The following IMMP2L variants were observed in gnomAD, a reference collection of about 807,000 sequenced individuals.
The protein encoded by IMMP2L is inner mitochondrial membrane peptidase subunit 2.
Under a neutral mutation model 19.3 loss-of-function variants are expected in IMMP2L, and 18 were observed. The observed-to-expected ratio is 0.93, with a 90% CI of 0.64 to 1.38. The LOEUF (loss-of-function observed/expected upper bound fraction) is 1.38. Ranked by LOEUF, IMMP2L falls within the 40% of genes most tolerant of loss-of-function variation. The probability of loss-of-function intolerance (pLI) is 0.00; values close to 1 mark genes in which losing one functional copy is unlikely to be tolerated. For missense variants in IMMP2L, 233 were observed against 218.2 expected, an observed-to-expected ratio of 1.07 and a Z score of -0.43; for synonymous variants, 76 against 73.0, an observed-to-expected ratio of 1.04 and a Z score of -0.21.
chr7:110,880,830 C>T (rs987278420), intron 5 of IMMP2L, among the ~76,000 whole-genome samples: 1 of 151,880 alleles, frequency 6.6e-6, no homozygotes, highest in Non-Finnish European at 1.5e-5. Context: ...TTAAACGGCC[C>T]AAAGGAACAG....
At chr7:110,669,206 C>A (rs1404881423) in intron 5 of IMMP2L, among the ~76,000 whole-genome samples, 2 of 151,886 alleles carry the variant, frequency 1.3e-5, no homozygotes, top group Non-Finnish European at 2.9e-5. Context: ...GGAGGTCAGC[C>A]GACTGGAGAC....
intron 3 of IMMP2L, among the ~76,000 whole-genome samples, chr7:111,271,531 T>C (rs982272803): frequency 2.6e-5 from 4 of 152,140 alleles, no homozygotes; most frequent in East Asian, 1.9e-4. Flanking sequence ...TTAACACAGA[T>C]TGTTGGGCCT....
At chr7:110,984,345 G>C (rs1252699981) in intron 3 of IMMP2L, among the ~76,000 whole-genome samples, 1 of 149,136 alleles carries the variant, frequency 6.7e-6, no homozygotes, top group Non-Finnish European at 1.5e-5. Context: ...TGTAAAAGCA[G>C]ACTCCCACAG....
intron 3 of IMMP2L, among the ~76,000 whole-genome samples, chr7:111,249,382 C>T (rs1254817085): frequency 4.9e-5 from 7 of 143,512 alleles, no homozygotes; most frequent in Non-Finnish European, 9.1e-5. Flanking sequence ...CTTCGGCTCG[C>T]GCACGGTGCG....
At position 110,934,949 on chromosome 7, in the gene IMMP2L, C is replaced by G. The variant is rs184573367; in HGVS notation, c.305+28551G>C. Among the ~76,000 whole-genome samples, 6 of 152,218 alleles carry G rather than the reference C, an allele frequency of 3.9e-5. No homozygotes were observed. The East Asian group carries it at 1.2e-3, about 29-fold the overall frequency. ...CACTGATAAGTCTTGACTCTTTATC[C>G]AATTTGCCAGTCTGTGTCTTTTAAC... is the stretch of plus-strand genomic sequence containing the variant. On this transcript the variant is annotated intron_variant, in intron 4 of 5. Transcript: ENST00000405709.
intron 3 of IMMP2L, among the ~76,000 whole-genome samples, chr7:111,204,032 A>G (rs1810442492): frequency 6.6e-6 from 1 of 152,164 alleles, no homozygotes; most frequent in South Asian, 2.1e-4. Flanking sequence ...ATCCCAATGT[A>G]CACTCAGAAA....
chr7:111,442,823 T>C lies in IMMP2L; in HGVS notation c.239+44415A>G, dbSNP rs866162752. Among the ~76,000 whole-genome samples the C allele has an allele frequency of 5.9e-5, 9 of 151,944 alleles. 1 individual carries two copies. The highest frequency in any genetic ancestry group is 1.5e-4 in the African/African-American group (6 of 41,218). ...AGAGTAAGTGGTTTTAAGATTAAAT[T>C]TGCCCATATAGTTAATTGCCACTTC... On this transcript the variant is annotated intron_variant, in intron 3 of 5. Coordinates refer to ENST00000405709, the MANE Select transcript of IMMP2L (RefSeq NM_032549.4).
intron 5 of IMMP2L, among the ~76,000 whole-genome samples, chr7:110,773,978 T>G (rs551946340): frequency 3.2e-4 from 48 of 152,190 alleles, no homozygotes; most frequent in Non-Finnish European, 5.7e-4. Context: ...CATATTTTCT[T>G]TCTGTATCTC....
Position 111,146,517 on chromosome 7 carries a change from TAGG to T in IMMP2L, c.240-182955_240-182953del, listed in dbSNP as rs938390136. Among the ~76,000 whole-genome samples, 17 of 151,884 alleles carry T rather than the reference TAGG, an allele frequency of 1.1e-4. No individual in the cohort carries two copies. The East Asian group carries it at 1.5e-3, about 14-fold the overall frequency. On this transcript the variant is annotated intron_variant, in intron 3 of 5. Coordinates refer to ENST00000405709, the MANE Select transcript of IMMP2L (RefSeq NM_032549.4). ...CTTAGAACCAGACCTCAAAAACTAA[TAGG>T]AGAACAGTCAAACATCTTAGAAGTG...
At chr7:111,181,799 G>T (rs1807738948) in intron 3 of IMMP2L, among the ~76,000 whole-genome samples, 1 of 151,874 alleles carries the variant, frequency 6.6e-6, no homozygotes, top group African/African-American at 2.4e-5. Flanking sequence ...CAATAATAAA[G>T]TATACTAAGG....
intron 3 of IMMP2L, among the ~76,000 whole-genome samples, chr7:111,424,852 G>T (rs974978322): frequency 6.6e-6 from 1 of 151,798 alleles, no homozygotes. Context: ...TTGGGTCACA[G>T]AATTGTATCA....
At chr7:110,796,213 T>C (rs528719968) in intron 5 of IMMP2L, among the ~76,000 whole-genome samples, 1 of 152,046 alleles carries the variant, frequency 6.6e-6, no homozygotes, top group East Asian at 1.9e-4. Flanking sequence ...CTTTCCTTTA[T>C]AAATTACCCA....
chr7:111,086,485 G>A (rs1043342483), intron 3 of IMMP2L, among the ~76,000 whole-genome samples: 1 of 151,830 alleles, frequency 6.6e-6, no homozygotes, highest in African/African-American at 2.4e-5. Context: ...AAACCTATAG[G>A]TAAATAAGAA....
chr7:111,306,945 C>T (rs997469403), intron 3 of IMMP2L, among the ~76,000 whole-genome samples: 12 of 150,242 alleles, frequency 8.0e-5, no homozygotes, highest in Non-Finnish European at 1.6e-4. Flanking sequence ...ATTAAAAGAG[C>T]TTCTCTGATG....
rs192494904 is a variant in IMMP2L, at chr7:111,293,650, T to G, written c.239+193588A>C. Among the ~76,000 whole-genome samples, 79 of 152,078 alleles carry G rather than the reference T, an allele frequency of 5.2e-4. 1 individual carries two copies. Among genetic ancestry groups the G allele is most frequent in the African/African-American group, 1.8e-3 (74 of 41,542 alleles). On this transcript the variant is annotated intron_variant, in intron 3 of 5. Transcript: ENST00000405709. ...TTCAAAAAACTTTCCATGTATTAGA[T>G]TCTATGTAATGTAATCTTAGCAGAG...
At chr7:111,063,949 C>A (rs1245998181) in intron 3 of IMMP2L, among the ~76,000 whole-genome samples, 7 of 152,210 alleles carry the variant, frequency 4.6e-5, no homozygotes, top group Admixed American at 2.0e-4. Flanking sequence ...CCTGTTCCAA[C>A]CTTTGCTTGT....
intron 3 of IMMP2L, chr7:111,411,384 A>T (rs1834410729): frequency 2.1e-6 from 1 of 467,328 alleles, no homozygotes. Flanking sequence ...TCAAGTTCAA[A>T]AAAAGGGGTC....
At chr7:111,492,536 T>C (rs972851752) in intron 2 of IMMP2L, 5 of 232,162 alleles carry the variant, frequency 2.2e-5, no homozygotes, top group African/African-American at 1.2e-4. Flanking sequence ...ATAAAAAACA[T>C]GCTGCAGTTC....
chr7:111,352,354 C>T (rs1434998073), intron 3 of IMMP2L, among the ~76,000 whole-genome samples: 2 of 150,864 alleles, frequency 1.3e-5, no homozygotes, highest in African/African-American at 2.4e-5. Flanking sequence ...TACATGCCAC[C>T]ATGCACAACT....
Sources: gnomAD v4.1 joint callset for allele counts (sites outside exome capture counted in the v4.1 genomes callset) on GRCh38, gnomAD v4.1.1 for gene constraint, MANE v1.5 for transcripts, NCBI Gene and HGNC (gene_info 2026-07-23, HGNC 2026-07-21) for gene names.